Variants in HAPLN1 observed in about 807,000 individuals in gnomAD.
HAPLN1 encodes hyaluronan and proteoglycan link protein 1.
In HAPLN1, 13 loss-of-function variants were observed where a neutral mutation model predicts 36.5. The observed-to-expected ratio is 0.36, with a 90% CI of 0.23 to 0.57. HAPLN1 has a LOEUF of 0.57. HAPLN1 is among the 20% of genes least tolerant of loss of function. The pLI is 0.83. For missense variants in HAPLN1, 407 were observed against 439.7 expected, an observed-to-expected ratio of 0.93 and a Z score of 0.66; for synonymous variants, 202 against 169.8, an observed-to-expected ratio of 1.19 and a Z score of -1.48.
intron 3 of HAPLN1, among the ~76,000 whole-genome samples, chr5:83,650,632 CTTTT>C (rs5869195): frequency 6.7e-5 from 7 of 103,762 alleles, no homozygotes; most frequent in Non-Finnish European, 9.2e-5. Flanking sequence ...AAATTCTTTT[CTTTT>C]TTTTTTTTTT....
intron 1 of HAPLN1, among the ~76,000 whole-genome samples, chr5:83,710,897 G>A (rs1269774197): frequency 2.0e-5 from 3 of 152,096 alleles, no homozygotes; most frequent in Non-Finnish European, 4.4e-5. Flanking sequence ...GTTTCAATGA[G>A]CTGTGATCAC....
chr5:83,663,005 A>G (rs909080915), intron 2 of HAPLN1, among the ~76,000 whole-genome samples: 1 of 152,250 alleles, frequency 6.6e-6, no homozygotes, highest in Non-Finnish European at 1.5e-5. Flanking sequence ...GGGTCAGGTA[A>G]TAAGTTTAGT....
At chr5:83,708,727 C>T (rs772211124) in intron 1 of HAPLN1, among the ~76,000 whole-genome samples, 3 of 152,140 alleles carry the variant, frequency 2.0e-5, no homozygotes. Context: ...AAAAAGGATT[C>T]TAAATTAGAA....
At position 83,644,451 on chromosome 5, in the gene HAPLN1, C is replaced by T. The variant is rs1749792391; in HGVS notation, c.687G>A (p.Gln229=). ...AGTTCCTGACTCCGGGCACTGTGTT[C>T]TGCCCCCCACAGGGCTCTCTGGGCT... ...ITKPREPCGG[Q]NTVPGVRNYG... The change falls in exon 4 of 5, where the codon CAG becomes CAA. Residue 229 remains glutamine, a synonymous_variant. Coordinates refer to ENST00000274341, the MANE Select transcript of HAPLN1 (RefSeq NM_001884.4). 5 of 1,613,342 alleles carry T rather than the reference C, an allele frequency of 3.1e-6. No individual in the cohort carries two copies. In the East Asian group the frequency reaches 1.1e-4, roughly 36 times the overall value.
At chr5:83,653,969 CACACA>C (rs1236161653) in intron 2 of HAPLN1, among the ~76,000 whole-genome samples, 2 of 152,244 alleles carry the variant, frequency 1.3e-5, no homozygotes, top group East Asian at 3.8e-4. Context: ...AGCTGCCCTT[CACACA>C]ACTCTGCAGA....
chr5:83,687,304 C>T (rs1751153521), intron 1 of HAPLN1, among the ~76,000 whole-genome samples: 4 of 152,148 alleles, frequency 2.6e-5, no homozygotes, highest in African/African-American at 7.2e-5. Context: ...TCTTCAGTTA[C>T]GAACCTCTTG....
intron 1 of HAPLN1, among the ~76,000 whole-genome samples, chr5:83,681,642 C>T (rs2112609201): frequency 6.6e-6 from 1 of 152,182 alleles, no homozygotes; most frequent in East Asian, 1.9e-4. Context: ...CGCCAAGTAG[C>T]TGGGACCACA....
intron 1 of HAPLN1, among the ~76,000 whole-genome samples, chr5:83,677,576 G>GCC (rs1750888007): frequency 1.3e-5 from 2 of 152,056 alleles, no homozygotes; most frequent in African/African-American, 4.8e-5. Flanking sequence ...CTTAGCCTGG[G>GCC]TCTGATCCTT....
At chr5:83,694,949 C>A (rs1183845838) in intron 1 of HAPLN1, among the ~76,000 whole-genome samples, 1 of 151,976 alleles carries the variant, frequency 6.6e-6, no homozygotes, top group South Asian at 2.1e-4. Flanking sequence ...CAAAATCAGA[C>A]AAAAACATTT....
At chr5:83,665,064 G>A (rs893828113) in intron 2 of HAPLN1, among the ~76,000 whole-genome samples, 1 of 151,412 alleles carries the variant, frequency 6.6e-6, no homozygotes, top group African/African-American at 2.4e-5. Flanking sequence ...CAGCATAATT[G>A]ACAACATTTT....
At chr5:83,688,896 T>C (rs1399004320) in intron 1 of HAPLN1, among the ~76,000 whole-genome samples, 1 of 152,112 alleles carries the variant, frequency 6.6e-6, no homozygotes, top group East Asian at 1.9e-4. Flanking sequence ...ACCATGTCAA[T>C]ATGCATTTGT....
At chr5:83,684,712 G>A (rs1340376582) in intron 1 of HAPLN1, among the ~76,000 whole-genome samples, 5 of 152,106 alleles carry the variant, frequency 3.3e-5, no homozygotes, top group African/African-American at 1.2e-4. Flanking sequence ...AGATTGGACA[G>A]GGAGTCAGGG....
chr5:83,673,752 G>T, intron 1 of HAPLN1: 1 of 473,144 alleles, frequency 2.1e-6, no homozygotes, highest in Non-Finnish European at 3.7e-6. Flanking sequence ...TGTAGCCAGA[G>T]TCCAAATAGT....
At chr5:83,649,704 T>C (rs1749997217) in intron 3 of HAPLN1, among the ~76,000 whole-genome samples, 1 of 152,254 alleles carries the variant, frequency 6.6e-6, no homozygotes, top group East Asian at 1.9e-4. Context: ...CCGCCTTGGC[T>C]TCCCAAAGTG....
chr5:83,702,090 C>A (rs1751522913), intron 1 of HAPLN1, among the ~76,000 whole-genome samples: 1 of 152,020 alleles, frequency 6.6e-6, no homozygotes, highest in African/African-American at 2.4e-5. Context: ...CAAGCATGAG[C>A]CATGTTTCAG....
At chr5:83,685,614 A>G (rs760302976) in intron 1 of HAPLN1, among the ~76,000 whole-genome samples, 25 of 152,222 alleles carry the variant, frequency 1.6e-4, no homozygotes, top group Non-Finnish European at 2.8e-4. Context: ...GACAAGGACC[A>G]TATTTTATTA....
At chr5:83,651,808 G>T (rs2112565685) in intron 3 of HAPLN1, among the ~76,000 whole-genome samples, 1 of 152,278 alleles carries the variant, frequency 6.6e-6, no homozygotes, top group African/African-American at 2.4e-5. Context: ...GGGAGGCAAG[G>T]ATGGCAAGGA....
At chr5:83,708,856 T>C (rs1190197436) in intron 1 of HAPLN1, among the ~76,000 whole-genome samples, 1 of 152,120 alleles carries the variant, frequency 6.6e-6, no homozygotes, top group African/African-American at 2.4e-5. Context: ...ATTATCAGTT[T>C]ATCTTTTGTC....
chr5:83,701,965 A>G (rs186781200), intron 1 of HAPLN1, among the ~76,000 whole-genome samples: 2 of 151,782 alleles, frequency 1.3e-5, no homozygotes, highest in East Asian at 1.9e-4. Context: ...CACAAAATCT[A>G]TATGAAGTAA....
Sources: allele counts gnomAD v4.1 joint callset (sites outside exome capture counted in the v4.1 genomes callset), GRCh38; gene constraint gnomAD v4.1.1; transcripts MANE v1.5; gene names NCBI Gene and HGNC (gene_info 2026-07-23, HGNC 2026-07-21).